Variants in CCDC154 observed in about 807,000 individuals in gnomAD.
CCDC154 encodes coiled-coil domain-containing protein 154.
Under a neutral mutation model 87.5 loss-of-function variants are expected in CCDC154, and 91 were observed. The observed-to-expected ratio is 1.04, with a 90% CI of 0.88 to 1.24. The LOEUF is 1.24. Ranked by LOEUF, CCDC154 falls within the 50% of genes most tolerant of loss-of-function variation. The pLI, the probability that CCDC154 is intolerant of heterozygous loss-of-function variation, is 0.00. For missense variants in CCDC154, 903 were observed against 879.2 expected, an observed-to-expected ratio of 1.03 and a Z score of -0.34; for synonymous variants, 418 against 400.4, an observed-to-expected ratio of 1.04 and a Z score of -0.52.
chr16:1,439,410 GC>G lies in CCDC154; in HGVS notation c.676-285del, dbSNP rs145346733. The G allele has an allele frequency of 3.9e-3, 1,789 of 457,082 alleles. 34 individuals carry two copies. The highest frequency in any genetic ancestry group is 0.032 in the African/African-American group (1,604 of 50,354). The allele number at this position is 457,082 out of a possible 1,614,324, so 28.3% of individuals were successfully genotyped here. A position where few individuals can be genotyped will look rare whatever the true frequency, so the allele number is the denominator to read the frequency against. ...CCACCACCGAGGCTGCCCAGGGAAG[GC>G]CCCCCAGCCGCCACCAGGCCCGGCA... On this transcript the variant is annotated intron_variant, in intron 6 of 16. Transcript: ENST00000389176.
chr16:1,435,852 C>T lies in CCDC154; in HGVS notation c.1605+117G>A, dbSNP rs1030326139. 6.8e-6 allele frequency: 6 copies of T among 879,360 alleles called. No homozygotes were observed. In the African/African-American group the frequency reaches 8.3e-5, roughly 12 times the overall value. 54.5% of individuals were successfully genotyped at this position (879,360 alleles called of 1,614,324 possible). On this transcript the variant is annotated intron_variant, in intron 14 of 16. Coordinates refer to ENST00000389176, the MANE Select transcript of CCDC154 (RefSeq NM_001143980.3). The stretch of plus-strand genomic sequence containing the variant: ...CCGACAGGTGGTTTTCTGAGCGTCT[C>T]CTGCTGGCTGGAAAATGCCCCGTAG...
At chr16:1,443,110 C>CAAACCCGGCCTTT in intron 4 of CCDC154, 135 bp from the exon 5 acceptor site, 1 of 1,364,726 alleles carries the variant, frequency 7.3e-7, no homozygotes, top group Non-Finnish European at 1.0e-6. Flanking sequence ...CAGGCACGTA[C>CAAACCCGGCCTTT]AAACCCGGCC....
chr16:1,437,736 C>G, intron 11 of CCDC154, 81 bp downstream of exon 11: 2 of 1,443,968 alleles, frequency 1.4e-6, no homozygotes, highest in Non-Finnish European at 9.2e-7. Flanking sequence ...GGCCTCTACC[C>G]TGGGGGCAGT....
Position 1,437,821 on chromosome 16 carries a change from G to T in CCDC154, c.1286C>A (p.Ser429Tyr). ...CCCGCCCGCTGCCTGGCGCACCTCGGACAGCCTGAGGCCCAGCATCTGCTC... is the reference window on the plus strand; with the variant it reads ...CCCGCCCGCTGCCTGGCGCACCTCGTACAGCCTGAGGCCCAGCATCTGCTC... ...LQEQMLGLRLSEAKTEWEGAE... is the reference protein window; with the variant it reads ...LQEQMLGLRLYEAKTEWEGAE... Residue 429 changes from serine to tyrosine, a missense_variant, in exon 11 of 17, where the codon TCC (serine) becomes TAC (tyrosine). By Grantham distance (144) the Ser-to-Tyr change is moderately radical. Coordinates refer to ENST00000389176, the MANE Select transcript of CCDC154 (RefSeq NM_001143980.3). 1 of 1,529,944 alleles carries T rather than the reference G, an allele frequency of 6.5e-7. No homozygotes were observed. The allele number at this position is 1,529,944 out of a possible 1,614,324, so 94.8% of individuals were successfully genotyped here.
rs766083596 is a variant in CCDC154, at chr16:1,434,863, G to A, written c.1693-11C>T. ...CATCTCCTGCGTGCGCTGTGGGACG[G>A]GGATGCTGGTGTCACCCAGGAGCCA... On this transcript the variant is annotated splice_polypyrimidine_tract_variant and intron_variant, in intron 15 of 16. Transcript: ENST00000389176. The A allele has an allele frequency of 1.7e-5, 26 of 1,487,596 alleles. No homozygotes were observed. The African/African-American group carries it at 3.6e-4, about 21-fold the overall frequency. 92.1% of individuals were successfully genotyped at this position (1,487,596 alleles called of 1,614,324 possible). A position where few individuals can be genotyped will look rare whatever the true frequency, so the allele number is the denominator to read the frequency against.
Position 1,436,680 on chromosome 16 carries a change from G to A in CCDC154, c.1410+12C>T. ...GCCCAAGTACACCAAGGCTGGCTGTGCCTTCGCCCACCTGCTGGGGGAGGC... is the reference window on the plus strand; with the variant it reads ...GCCCAAGTACACCAAGGCTGGCTGTACCTTCGCCCACCTGCTGGGGGAGGC... On this transcript the variant is annotated intron_variant, in intron 12 of 16. Coordinates refer to ENST00000389176, the MANE Select transcript of CCDC154 (RefSeq NM_001143980.3). 2.6e-5 allele frequency: 40 copies of A among 1,549,844 alleles called. No individual in the cohort carries two copies. Among genetic ancestry groups the A allele is most frequent in the Non-Finnish European group, 3.3e-5 (38 of 1,146,878 alleles).
chr16:1,442,279 A>C, intron 6 of CCDC154, 127 bp downstream of exon 6: 3 of 1,122,808 alleles, frequency 2.7e-6, no homozygotes, highest in Non-Finnish European at 3.7e-6. Context: ...GTCTACAACT[A>C]TAGCTGATTT....
At chr16:1,439,442 G>T in intron 6 of CCDC154, 1 of 416,674 alleles carries the variant, frequency 2.4e-6, no homozygotes, top group South Asian at 3.1e-5. Flanking sequence ...CGGCAGGGAA[G>T]CAGGAGTGTC....
In CCDC154 at chr16:1,442,837, C is replaced by G. The variant is rs1346766773; in HGVS notation, c.551+43G>C. 4 of 1,518,260 alleles carry G rather than the reference C, an allele frequency of 2.6e-6. No homozygotes were observed. In the Admixed American group the frequency reaches 7.9e-5, roughly 30 times the overall value. The allele number at this position is 1,518,260 out of a possible 1,614,324, so 94.0% of individuals were successfully genotyped here. ...GCTCAGCCAGGGACTCTCAAATGAC[C>G]CCACGCAAGCTCCGGAGCCAGCCAC... is the stretch of plus-strand genomic sequence containing the variant. On this transcript the variant is annotated intron_variant, in intron 5 of 16. Coordinates refer to ENST00000389176, the MANE Select transcript of CCDC154 (RefSeq NM_001143980.3).
chr16:1,444,400 G>A lies in CCDC154; in HGVS notation c.-78C>T, dbSNP rs1414132225. On this transcript the variant is annotated 5_prime_UTR_variant, in exon 1 of 17. Coordinates refer to ENST00000389176, the MANE Select transcript of CCDC154 (RefSeq NM_001143980.3). ...GGCCTCTGAGGTTGCCCAGAGCTGG[G>A]CACAGGCCAGGGGGGTCAGGAGCCA... 2.4e-6 allele frequency: 3 copies of A among 1,269,726 alleles called. No homozygotes were observed. The highest frequency in any genetic ancestry group is 3.1e-6 in the Non-Finnish European group (3 of 972,748). 78.7% of individuals were successfully genotyped at this position (1,269,726 alleles called of 1,614,324 possible). A position where few individuals can be genotyped will look rare whatever the true frequency, so the allele number is the denominator to read the frequency against.
At position 1,437,875 on chromosome 16, in the gene CCDC154, G is replaced by A. The variant is rs1338523454; in HGVS notation, c.1232C>T (p.Pro411Leu). Residue 411 changes from proline (P) to leucine (L), a missense_variant, in exon 11 of 17, where the codon CCG (proline) becomes CTG (leucine). Pro to Leu is a moderately conservative substitution (Grantham distance 98). Coordinates refer to ENST00000389176, the MANE Select transcript of CCDC154 (RefSeq NM_001143980.3). ...CAGATCGAGCCGGCTGCTCAGAGCC[G>A]GGAGATGGCCACTCAGCTCCTTTAA... ...GQLKELSGHL[P>L]ALSSRLDLQE... 1.1e-5 allele frequency: 17 copies of A among 1,544,690 alleles called. No homozygotes were observed. The highest frequency in any genetic ancestry group is 4.9e-5 in the East Asian group (2 of 40,922).
In CCDC154 at chr16:1,438,796, G is replaced by A. The variant is rs58293579; in HGVS notation, c.906+19C>T. The A allele has an allele frequency of 0.038, 46,520 of 1,221,494 alleles. 1,451 individuals carry two copies. The highest frequency in any genetic ancestry group is 0.14 in the African/African-American group (9,469 of 68,298). 75.7% of individuals were successfully genotyped at this position (1,221,494 alleles called of 1,614,324 possible). On this transcript the variant is annotated intron_variant, in intron 8 of 16. Coordinates refer to ENST00000389176, the MANE Select transcript of CCDC154 (RefSeq NM_001143980.3). ...ACCCCGGCCCCGGCCCCACCTGCCCGCCGCCCGCCCGGCCCCACCTCATGC... is the reference window on the plus strand; with the variant it reads ...ACCCCGGCCCCGGCCCCACCTGCCCACCGCCCGCCCGGCCCCACCTCATGC...
At chr16:1,441,389 G>A (rs1247205751) in intron 6 of CCDC154, among the ~76,000 whole-genome samples, 1 of 152,236 alleles carries the variant, frequency 6.6e-6, no homozygotes, top group Non-Finnish European at 1.5e-5. Context: ...CTCACCCAGC[G>A]TACTGCCTGA....
In CCDC154 at chr16:1,438,812, C is replaced by T. The variant is rs945878269; in HGVS notation, c.906+3G>A. 2.1e-5 allele frequency: 33 copies of T among 1,541,918 alleles called. No homozygotes were observed. Among genetic ancestry groups the T allele is most frequent in the Admixed American group, 5.9e-5 (3 of 50,452 alleles). The stretch of plus-strand genomic sequence containing the variant: ...CACCTGCCCGCCGCCCGCCCGGCCC[C>T]ACCTCATGCTGCCCCTGCAGGGCCC... On this transcript the variant is annotated splice_donor_region_variant and intron_variant, in intron 8 of 16. Coordinates refer to ENST00000389176, the MANE Select transcript of CCDC154 (RefSeq NM_001143980.3).
At position 1,434,931 on chromosome 16, in the gene CCDC154, CGGGAGCCT is replaced by C; in HGVS notation, c.1693-87_1693-80del. On this transcript the variant is annotated intron_variant, in intron 15 of 16. Coordinates refer to ENST00000389176, the MANE Select transcript of CCDC154 (RefSeq NM_001143980.3). Reference sequence around the variant, plus strand: ...TGGCAAACGGGGGCTTATCTCCCACCGGGAGCCTGGAAGCCATTTATCTTCAGGGAAAC... The same window carrying C: ...TGGCAAACGGGGGCTTATCTCCCACCGGAAGCCATTTATCTTCAGGGAAAC... 3 of 1,438,944 alleles carry C rather than the reference CGGGAGCCT, an allele frequency of 2.1e-6. No individual in the cohort carries two copies. The South Asian group carries it at 4.2e-5, about 20-fold the overall frequency. 89.1% of individuals were successfully genotyped at this position (1,438,944 alleles called of 1,614,324 possible).
intron 9 of CCDC154, 76 bp downstream of exon 9, chr16:1,438,543 G>C (rs2038522254): frequency 2.3e-6 from 3 of 1,329,640 alleles, no homozygotes; most frequent in Non-Finnish European, 2.1e-6. Flanking sequence ...TGCTGAGTCG[G>C]CCACTGCGGC....
At chr16:1,439,314 C>T (rs370988663) in intron 6 of CCDC154, 188 bp from the exon 7 acceptor site, 36 of 600,798 alleles carry the variant, frequency 6.0e-5, no homozygotes, top group Admixed American at 8.7e-5. Flanking sequence ...TGTACCCAGA[C>T]GACCAACCAG....
intron 4 of CCDC154, 42 bp from the exon 5 acceptor site, chr16:1,443,017 G>A (rs1195464993): frequency 1.3e-6 from 2 of 1,545,202 alleles, no homozygotes; most frequent in African/African-American, 1.4e-5. Context: ...CAGGCGGGCT[G>A]AGCAGCCTCG....
At chr16:1,436,859 AG>A in intron 11 of CCDC154, 48 bp from the exon 12 acceptor site, 1 of 1,546,688 alleles carries the variant, frequency 6.5e-7, no homozygotes, top group Non-Finnish European at 8.7e-7. Flanking sequence ...GAGGGGGGAC[AG>A]ACAGATGGAA....
Sources: allele counts gnomAD v4.1 joint callset (sites outside exome capture counted in the v4.1 genomes callset), GRCh38; gene constraint gnomAD v4.1.1; transcripts MANE v1.5; gene names NCBI Gene and HGNC (gene_info 2026-07-23, HGNC 2026-07-21).